The following DNAH14 variants were observed in gnomAD, a reference collection of about 807,000 sequenced individuals.
DNAH14 encodes the protein axonemal beta dynein heavy chain 14.
Under a neutral mutation model 520.9 loss-of-function variants are expected in DNAH14, and 478 were observed. The observed-to-expected ratio is 0.92, with a 90% CI of 0.85 to 0.99. DNAH14 has a LOEUF of 0.99. Among genes scored for constraint, DNAH14 ranks in the 50% least tolerant of loss-of-function variants. The probability of loss-of-function intolerance (pLI) is 0.00; values close to 1 mark genes in which losing one functional copy is unlikely to be tolerated. For missense variants in DNAH14, 4,831 were observed against 5,234.5 expected (o/e 0.92, Z 2.38); for synonymous variants, 1,581 against 1,757.2 (o/e 0.90, Z 2.51).
At chr1:224,946,368 C>T (rs978774540) in intron 1 of DNAH14, among the ~76,000 whole-genome samples, 8 of 152,068 alleles carry the variant, frequency 5.3e-5, no homozygotes, top group African/African-American at 1.7e-4. Context: ...TGGGAGTGAC[C>T]CGATTTTCCA....
chr1:224,952,632 A>G (rs1239027893), intron 1 of DNAH14, 38 bp from the exon 2 acceptor site: 15 of 1,151,678 alleles, frequency 1.3e-5, no homozygotes, highest in South Asian at 3.4e-5. Context: ...GTCAGATTGT[A>G]TTGTATATTA....
intron 1 of DNAH14, among the ~76,000 whole-genome samples, chr1:224,936,374 T>A (rs906878178): frequency 1.4e-5 from 2 of 146,454 alleles, no homozygotes; most frequent in Non-Finnish European, 3.0e-5. Context: ...AAATCAGAAA[T>A]GAAAAGGAGA....
At chr1:225,055,232 C>G (rs920833385) in intron 17 of DNAH14, among the ~76,000 whole-genome samples, 1 of 152,200 alleles carries the variant, frequency 6.6e-6, no homozygotes, top group Non-Finnish European at 1.5e-5. Flanking sequence ...AAAATGAGAT[C>G]TCAAGAATGG....
rs147247688 is a variant in DNAH14 at position 225,267,319 on chromosome 1, G to C, written c.7539+550G>C. Reference sequence around the variant, plus strand: ...TTTTTTTTTTTTTTTTTTTGAGATGGAATCTCGCTCTGTCACCAAGCTGGA... The same window carrying C: ...TTTTTTTTTTTTTTTTTTTGAGATGCAATCTCGCTCTGTCACCAAGCTGGA... On this transcript the variant is annotated intron_variant, in intron 49 of 85. Coordinates refer to ENST00000682510, the MANE Select transcript of DNAH14 (RefSeq NM_001367479.1). 2.4e-3 allele frequency among the ~76,000 whole-genome samples: 337 copies of C among 142,276 alleles called. 1 individual carries two copies. Among genetic ancestry groups the C allele is most frequent in the African/African-American group, 8.1e-3 (310 of 38,180 alleles). 93.3% of individuals were successfully genotyped at this position (142,276 alleles called of 152,430 possible). A position where few individuals can be genotyped will look rare whatever the true frequency, so the allele number is the denominator to read the frequency against.
At chr1:225,168,361 A>G (rs559998593) in intron 36 of DNAH14, among the ~76,000 whole-genome samples, 3 of 152,220 alleles carry the variant, frequency 2.0e-5, no homozygotes, top group Non-Finnish European at 4.4e-5. Flanking sequence ...GCATCGCCTC[A>G]CCCAGGAAGC....
At chr1:225,056,286 G>A (rs1443921854) in intron 17 of DNAH14, among the ~76,000 whole-genome samples, 1 of 152,230 alleles carries the variant, frequency 6.6e-6, no homozygotes, top group Admixed American at 6.5e-5. Context: ...CTGAAGGCCA[G>A]TGATGATGAG....
chr1:224,969,723 C>T (rs2061394094), intron 7 of DNAH14: 3 of 233,460 alleles, frequency 1.3e-5, no homozygotes, highest in Non-Finnish European at 2.4e-5. Context: ...ATTAGTTCCC[C>T]AAATTAATAC....
intron 17 of DNAH14, among the ~76,000 whole-genome samples, chr1:225,067,487 T>A (rs2071031503): frequency 6.6e-6 from 1 of 152,194 alleles, no homozygotes; most frequent in Non-Finnish European, 1.5e-5. Flanking sequence ...TACCCAGTAA[T>A]GGCATTGCTG....
chr1:225,138,723 C>T (rs575678995), intron 27 of DNAH14, among the ~76,000 whole-genome samples: 5 of 152,252 alleles, frequency 3.3e-5, no homozygotes, highest in East Asian at 3.9e-4. Context: ...AGTCACTCAC[C>T]GCCTCCCCTG....
intron 8 of DNAH14, among the ~76,000 whole-genome samples, chr1:224,975,400 C>T (rs2061750995): frequency 6.8e-6 from 1 of 147,340 alleles, no homozygotes; most frequent in Non-Finnish European, 1.5e-5. Flanking sequence ...GCCACAATTT[C>T]AGAGCCTGTT....
In DNAH14 at chr1:225,353,598, A is replaced by T. The variant is rs568979551; in HGVS notation, c.11534-205A>T. Among the ~76,000 whole-genome samples the T allele has an allele frequency of 3.3e-5, 5 of 152,214 alleles. No individual in the cohort carries two copies. In the South Asian group the frequency reaches 8.3e-4, roughly 25 times the overall value. On this transcript the variant is annotated intron_variant, in intron 72 of 85. Coordinates refer to ENST00000682510, the MANE Select transcript of DNAH14 (RefSeq NM_001367479.1). ...TTGGTCCAAGTTGAAACTTAAATCT[A>T]TCTTAACATCTCCCTCTTTTGAGGT...
At chr1:225,154,973 G>A (rs1046714675) in intron 34 of DNAH14, among the ~76,000 whole-genome samples, 1 of 151,866 alleles carries the variant, frequency 6.6e-6, no homozygotes, top group African/African-American at 2.4e-5. Flanking sequence ...ATGGGCAAAG[G>A]ACATCAACAG....
chr1:225,131,181 A>G (rs1559055012), intron 27 of DNAH14, among the ~76,000 whole-genome samples: 1 of 152,188 alleles, frequency 6.6e-6, no homozygotes, highest in Non-Finnish European at 1.5e-5. Flanking sequence ...AGATGTCACT[A>G]TATTGTATTG....
intron 21 of DNAH14, among the ~76,000 whole-genome samples, chr1:225,092,323 A>G (rs149381338): frequency 1.1e-3 from 171 of 152,204 alleles, no homozygotes; most frequent in African/African-American, 4.0e-3. Context: ...GTTAAATCAT[A>G]CCAACCACAC....
intron 59 of DNAH14, 27 bp downstream of exon 59, chr1:225,307,596 A>C: frequency 6.7e-7 from 1 of 1,492,936 alleles, no homozygotes; most frequent in Non-Finnish European, 9.0e-7. Flanking sequence ...ATCTCTTTTA[A>C]AGATTTTATA....
chr1:225,269,443 C>T (rs2093239998), intron 49 of DNAH14, among the ~76,000 whole-genome samples: 1 of 152,080 alleles, frequency 6.6e-6, no homozygotes, highest in South Asian at 2.1e-4. Context: ...TCTAAAACAC[C>T]AAAAGCAATG....
intron 42 of DNAH14, among the ~76,000 whole-genome samples, chr1:225,236,231 G>C (rs1401955009): frequency 1.3e-5 from 2 of 152,052 alleles, no homozygotes; most frequent in Non-Finnish European, 2.9e-5. Context: ...TTATCTGTTT[G>C]TTTGCATTAG....
In DNAH14 at chr1:225,335,323, A is replaced by G. The variant is rs1469733621; in HGVS notation, c.10080+1817A>G. Among the ~76,000 whole-genome samples, 7 of 117,344 alleles carry G rather than the reference A, an allele frequency of 6.0e-5. No homozygotes were observed. In the East Asian group the frequency reaches 1.1e-3, roughly 19 times the overall value. 77.0% of individuals were successfully genotyped at this position (117,344 alleles called of 152,430 possible). ...CATGTGTACACGTGTGTATATGCACATATACACGTGTGTACATGTGTGTGT... is the reference window on the plus strand; with the variant it reads ...CATGTGTACACGTGTGTATATGCACGTATACACGTGTGTACATGTGTGTGT... On this transcript the variant is annotated intron_variant, in intron 66 of 85. Coordinates refer to ENST00000682510, the MANE Select transcript of DNAH14 (RefSeq NM_001367479.1).
rs1211930517 is a variant in DNAH14 at position 225,091,339 on chromosome 1, G to A, written c.3573+5550G>A. 2.0e-5 allele frequency among the ~76,000 whole-genome samples: 3 copies of A among 152,036 alleles called. No homozygotes were observed. The East Asian group carries it at 5.8e-4, about 29-fold the overall frequency. On this transcript the variant is annotated intron_variant, in intron 21 of 85. Coordinates refer to ENST00000682510, the MANE Select transcript of DNAH14 (RefSeq NM_001367479.1). ...GAAAAATAAAGGCAGCTAGAGAGAA[G>A]GGGCAGCTCTACAAAGGAAACCCTA... is the stretch of plus-strand genomic sequence containing the variant.
Sources: allele counts gnomAD v4.1 joint callset (sites outside exome capture counted in the v4.1 genomes callset), GRCh38; gene constraint gnomAD v4.1.1; transcripts MANE v1.5; gene names NCBI Gene and HGNC (gene_info 2026-07-23, HGNC 2026-07-21).